The following PDE4D variants were observed in gnomAD, a reference collection of about 807,000 sequenced individuals.
PDE4D encodes the protein phosphodiesterase 4D, also known as 3',5'-cyclic-AMP phosphodiesterase 4D.
Under a neutral mutation model 87.4 loss-of-function variants are expected in PDE4D, and 24 were observed. The observed-to-expected ratio is 0.27, with a 90% CI of 0.20 to 0.39. The LOEUF (loss-of-function observed/expected upper bound fraction) is 0.39. Among genes scored for constraint, PDE4D ranks in the 10% least tolerant of loss-of-function variants. The probability of loss-of-function intolerance (pLI) is 1.00; values close to 1 mark genes in which losing one functional copy is unlikely to be tolerated. For synonymous variants in PDE4D, 384 were observed against 383.2 expected, an observed-to-expected ratio of 1.00 and a Z score of -0.02; for missense variants, 714 against 1,041.0, an observed-to-expected ratio of 0.69 and a Z score of 4.32.
chr5:59,142,165 C>G (rs1777991343), intron 5 of PDE4D, among the ~76,000 whole-genome samples: 1 of 152,142 alleles, frequency 6.6e-6, no homozygotes, highest in Admixed American at 6.5e-5. Context: ...GGCAATAGAG[C>G]CCCTAAATAT....
At chr5:60,044,213 C>G (rs1192082957) in intron 2 of PDE4D, among the ~76,000 whole-genome samples, 1 of 151,934 alleles carries the variant, frequency 6.6e-6, no homozygotes, top group Non-Finnish European at 1.5e-5. Flanking sequence ...CCCCAATTGC[C>G]CCAATAAGAT....
chr5:60,211,831 G>A (rs1743261003), intron 1 of PDE4D, among the ~76,000 whole-genome samples: 2 of 151,930 alleles, frequency 1.3e-5, no homozygotes, highest in African/African-American at 4.8e-5. Flanking sequence ...CCACCTGAAG[G>A]TACAGTATTT....
chr5:59,197,900 C>A (rs144592059), intron 2 of PDE4D, among the ~76,000 whole-genome samples: 1 of 152,286 alleles, frequency 6.6e-6, no homozygotes, highest in African/African-American at 2.4e-5. Flanking sequence ...CGCCTTGCCA[C>A]GTAAAGTGGG....
chr5:59,719,442 G>A (rs1464088217), intron 1 of PDE4D, among the ~76,000 whole-genome samples: 1 of 152,084 alleles, frequency 6.6e-6, no homozygotes, highest in Non-Finnish European at 1.5e-5. Flanking sequence ...TGAGTTTTGA[G>A]TATTGATTAC....
chr5:59,612,127 T>C (rs295968), intron 1 of PDE4D, among the ~76,000 whole-genome samples: 131,266 of 152,142 alleles, frequency 0.86, 56,689 homozygotes, highest in South Asian at 0.93. Flanking sequence ...ACCTTTGGTT[T>C]GATATCAGCT....
intron 5 of PDE4D, among the ~76,000 whole-genome samples, chr5:59,108,945 T>C (rs1772107888): frequency 7.6e-6 from 1 of 130,838 alleles, no homozygotes. Context: ...AACAAATTCA[T>C]AGGAACTCAA....
rs575734693 is a variant in PDE4D, at chr5:59,938,730, CCATTCAATCTGTCCAAATTT to C, written c.272+49738_272+49757del. On this transcript the variant is annotated intron_variant, in intron 3 of 16. Transcript: ENST00000502484. The stretch of plus-strand genomic sequence containing the variant: ...TGTCTTTCCTGCTAGCAAGGCCTAC[CCATTCAATCTGTCCAAATTT>C]CATCTTTCAGCCTCGTTCAATTATT... Among the ~76,000 whole-genome samples, 14 of 152,268 alleles carry C rather than the reference CCATTCAATCTGTCCAAATTT, an allele frequency of 9.2e-5. No homozygotes were observed. The South Asian group carries it at 2.9e-3, about 32-fold the overall frequency.
intron 1 of PDE4D, among the ~76,000 whole-genome samples, chr5:59,798,240 CTATA>C (rs945399800): frequency 1.4e-5 from 2 of 143,314 alleles, no homozygotes; most frequent in Non-Finnish European, 1.6e-5. Flanking sequence ...CTCTCTCTCT[CTATA>C]TATAAATGCC....
At chr5:59,432,433 A>T (rs1796237409) in intron 1 of PDE4D, among the ~76,000 whole-genome samples, 1 of 152,054 alleles carries the variant, frequency 6.6e-6, no homozygotes, top group African/African-American at 2.4e-5. Context: ...CAATAAACAC[A>T]TTTGCTAATA....
intron 1 of PDE4D, among the ~76,000 whole-genome samples, chr5:59,746,415 G>A (rs1759615797): frequency 6.6e-6 from 1 of 152,074 alleles, no homozygotes. Flanking sequence ...TAAATGCAGT[G>A]AGGATGAATT....
chr5:60,405,929 C>G (rs1215816710), intron 1 of PDE4D, among the ~76,000 whole-genome samples: 3 of 152,184 alleles, frequency 2.0e-5, no homozygotes, highest in African/African-American at 7.2e-5. Flanking sequence ...CCTGCCCCTT[C>G]TTCCTGCCCC....
chr5:59,674,589 C>T (rs754667579), intron 1 of PDE4D, among the ~76,000 whole-genome samples: 22 of 152,298 alleles, frequency 1.4e-4, no homozygotes, highest in Non-Finnish European at 2.5e-4. Context: ...TTGATATTCA[C>T]ACTGCCACCT....
chr5:59,997,233 G>C (rs531171143), intron 2 of PDE4D, among the ~76,000 whole-genome samples: 1 of 152,230 alleles, frequency 6.6e-6, no homozygotes, highest in African/African-American at 2.4e-5. Flanking sequence ...GTTACATACA[G>C]TAATAGAATC....
At chr5:60,500,363 T>C (rs1200627696) in intron 1 of PDE4D, among the ~76,000 whole-genome samples, 1 of 152,128 alleles carries the variant, frequency 6.6e-6, no homozygotes, top group Non-Finnish European at 1.5e-5. Flanking sequence ...GTCCCAAGGA[T>C]GGAAGAAATT....
intron 1 of PDE4D, among the ~76,000 whole-genome samples, chr5:59,401,143 T>G (rs889521950): frequency 6.6e-6 from 1 of 152,228 alleles, no homozygotes; most frequent in African/African-American, 2.4e-5. Context: ...ACATAAAACA[T>G]AAGTAAATTT....
chr5:59,988,426 AC>A, intron 3 of PDE4D: 1 of 1,091,236 alleles, frequency 9.2e-7, no homozygotes, highest in Non-Finnish European at 1.3e-6. Flanking sequence ...AACTCAAAAG[AC>A]CACAGACAAC....
intron 1 of PDE4D, among the ~76,000 whole-genome samples, chr5:59,827,935 T>C (rs1042874722): frequency 1.3e-5 from 2 of 152,128 alleles, no homozygotes; most frequent in African/African-American, 4.8e-5. Context: ...AGACAGTTAA[T>C]TGAGGTCATA....
chr5:59,423,855 A>G (rs971632024), intron 1 of PDE4D, among the ~76,000 whole-genome samples: 1 of 150,048 alleles, frequency 6.7e-6, no homozygotes, highest in East Asian at 2.0e-4. Flanking sequence ...AGCTAGTGGT[A>G]TAAGCATGGA....
intron 1 of PDE4D, among the ~76,000 whole-genome samples, chr5:59,403,916 A>T (rs944813867): frequency 6.6e-6 from 1 of 152,186 alleles, no homozygotes; most frequent in Admixed American, 6.5e-5. Context: ...TTACATTCCC[A>T]CCAAAAGTGT....
Sources: allele counts gnomAD v4.1 joint callset (sites outside exome capture counted in the v4.1 genomes callset), GRCh38; gene constraint gnomAD v4.1.1; transcripts MANE v1.5; gene names NCBI Gene and HGNC (gene_info 2026-07-23, HGNC 2026-07-21).